NUP107: variants seen among roughly 807,000 people sequenced by gnomAD.
The protein encoded by NUP107 is nucleoporin 107.
In NUP107, 101 loss-of-function variants were observed where a neutral mutation model predicts 141.0. The observed-to-expected ratio is 0.72, with a 90% CI of 0.61 to 0.84. The LOEUF (loss-of-function observed/expected upper bound fraction) is 0.84, where lower values mean the gene tolerates loss of function less well. NUP107 is among the 40% of genes least tolerant of loss of function. The probability of loss-of-function intolerance (pLI) is 0.00; values close to 1 mark genes in which losing one functional copy is unlikely to be tolerated. For missense variants in NUP107, 941 were observed against 1,102.7 expected, an observed-to-expected ratio of 0.85 and a Z score of 2.08; for synonymous variants, 319 against 363.9, an observed-to-expected ratio of 0.88 and a Z score of 1.41.
rs768987371 is a variant in NUP107, at chr12:68,689,015, G to A, written c.62G>A (p.Arg21Gln). 37 of 1,613,416 alleles carry A rather than the reference G, an allele frequency of 2.3e-5. No individual in the cohort carries two copies. Among genetic ancestry groups the A allele is most frequent in the South Asian group, 1.2e-4 (11 of 91,020 alleles). ...SPVIREAEVT[R>Q]TARKQSAQKR... ...GTAATCCGGGAGGCAGAGGTGACAC[G>A]GACTGCACGGAAACAGAGTGCTCAG... Residue 21 changes from arginine (R) to glutamine (Q), a missense_variant, in exon 2 of 28, where the codon CGG becomes CAG. Transcript: ENST00000229179.
intron 7 of NUP107, 31 bp from the exon 8 acceptor site, chr12:68,702,705 G>T: frequency 6.8e-7 from 1 of 1,478,042 alleles, no homozygotes; most frequent in Admixed American, 2.3e-5. Flanking sequence ...TGTGAAATAA[G>T]GCTTTTTTAT....
Position 68,733,534 on chromosome 12 carries a change from G to A in NUP107, c.2184G>A (p.Glu728=). Residue 728 remains glutamate, a synonymous_variant, in exon 24 of 28, where the codon GAG becomes GAA. Coordinates refer to ENST00000229179, the MANE Select transcript of NUP107 (RefSeq NM_020401.4). ...DSIAEIYNQC[E]EQGMESPLPA... ...TAGCAGAAATCTATAATCAGTGCGA[G>A]GAACAAGGAATGGAAAGTCCACTTC... 6.2e-7 allele frequency: 1 copy of A among 1,613,766 alleles called. No individual in the cohort carries two copies. Among genetic ancestry groups the A allele is most frequent in the South Asian group, 1.1e-5 (1 of 91,042 alleles).
In NUP107 at chr12:68,725,797, G is replaced by GT. The variant is rs773878868; in HGVS notation, c.1576+2dup. On this transcript the variant is annotated splice_donor_variant, in intron 18 of 27. Coordinates refer to ENST00000229179, the MANE Select transcript of NUP107 (RefSeq NM_020401.4). LOFTEE classifies it high-confidence loss of function. ...TTTCTTATCCTGGGAGACATTGATGGTAAGATATGGTTTTATTTTACTTTG... is the reference window on the plus strand; with the variant it reads ...TTTCTTATCCTGGGAGACATTGATGGTTAAGATATGGTTTTATTTTACTTTG... 3.7e-6 allele frequency: 5 copies of GT among 1,335,754 alleles called. No individual in the cohort carries two copies. The highest frequency in any genetic ancestry group is 5.2e-6 in the Non-Finnish European group (5 of 954,016). The allele number at this position is 1,335,754 out of a possible 1,614,324, so 82.7% of individuals were successfully genotyped here. A position where few individuals can be genotyped will look rare whatever the true frequency, so the allele number is the denominator to read the frequency against.
intron 10 of NUP107, among the ~76,000 whole-genome samples, chr12:68,711,883 G>T (rs1378716109): frequency 6.6e-6 from 1 of 152,096 alleles, no homozygotes; most frequent in Non-Finnish European, 1.5e-5. Context: ...GAATGACATG[G>T]TCCAATTTAT....
rs7976687 is a variant in NUP107 at position 68,731,798 on chromosome 12, C to T, written c.1998+79C>T. The stretch of plus-strand genomic sequence containing the variant: ...TTATTCCTTGGTGAACTTCTCCCTT[C>T]GTAAAAGAAGTTCTATTAGGTTTTC... On this transcript the variant is annotated intron_variant, in intron 22 of 27. Transcript: ENST00000229179. 0.26 allele frequency: 204,061 copies of T among 793,024 alleles called. 27,603 individuals are homozygous for T. Among genetic ancestry groups the T allele is most frequent in the Middle Eastern group, 0.3 (1,287 of 4,222 alleles). The allele number at this position is 793,024 out of a possible 1,614,324, so 49.1% of individuals were successfully genotyped here.
chr12:68,743,977 C>T lies in NUP107; in HGVS notation c.*1515C>T, dbSNP rs978263518. 1.3e-5 allele frequency: 2 copies of T among 152,156 alleles called. No individual in the cohort carries two copies. The highest frequency in any genetic ancestry group is 4.8e-5 in the African/African-American group (2 of 41,430). The allele number at this position is 152,156 out of a possible 1,614,324, so 9.4% of individuals were successfully genotyped here. The stretch of plus-strand genomic sequence containing the variant: ...CAAAAAATTCATACCAAAACAAATA[C>T]AGACTAGATTTGGGGTGGGGAGGGG... On this transcript the variant is annotated 3_prime_UTR_variant, in exon 28 of 28. Transcript: ENST00000229179.
intron 10 of NUP107, among the ~76,000 whole-genome samples, chr12:68,712,418 CAAAAAAAA>C (rs745430819): frequency 0.013 from 804 of 63,878 alleles, 11 homozygotes; most frequent in African/African-American, 0.045. Context: ...AACTCCATCT[CAAAAAAAA>C]AAAAAAAAAA....
chr12:68,715,695 A>G lies in NUP107; in HGVS notation c.1038A>G (p.Leu346=), dbSNP rs1382261907. The change falls in exon 12 of 28, where the codon TTA becomes TTG. Residue 346 remains leucine, a synonymous_variant. Transcript: ENST00000229179. The part of the protein sequence containing the change: ...DDLDREDEVR[L]LKYLFTLIRA... ...TGGATAGAGAAGATGAAGTTAGATT[A>G]CTCAAATATCTCTTTACTCTAATCC... 1.2e-6 allele frequency: 2 copies of G among 1,612,696 alleles called. No individual in the cohort carries two copies. The highest frequency in any genetic ancestry group is 1.3e-5 in the African/African-American group (1 of 74,880).
rs757208798 is a variant in NUP107 at position 68,737,560 on chromosome 12, C to CAAAA, written c.2502+2235_2502+2238dup. On this transcript the variant is annotated intron_variant, in intron 26 of 27. Transcript: ENST00000229179. ...TAGGTGACAGAGTGAGACCCTGTCT[C>CAAAA]AAAAAAAAAAAAAAAAAAAAAATGG... Among the ~76,000 whole-genome samples, 68 of 72,046 alleles carry CAAAA rather than the reference C, an allele frequency of 9.4e-4. 5 individuals are homozygous for CAAAA. The highest frequency in any genetic ancestry group is 1.4e-3 in the South Asian group (3 of 2,172). The allele number at this position is 72,046 out of a possible 152,430, so 47.3% of individuals were successfully genotyped here.
At chr12:68,706,997 AGGGCTGT>A in intron 8 of NUP107, 2 of 627,968 alleles carry the variant, frequency 3.2e-6, no homozygotes, top group Non-Finnish European at 5.6e-6. Flanking sequence ...CAGCTCCACC[AGGGCTGT>A]GATTGTGAAG....
intron 20 of NUP107, 150 bp from the exon 21 acceptor site, chr12:68,730,960 C>G (rs1447429252): frequency 4.1e-6 from 2 of 484,822 alleles, no homozygotes; most frequent in African/African-American, 4.0e-5. Context: ...AGAGTGAGAC[C>G]CTGTCTCAAA....
At position 68,743,182 on chromosome 12, in the gene NUP107, G is replaced by C. The variant is rs1472390917; in HGVS notation, c.*720G>C. 1 of 152,268 alleles carries C rather than the reference G, an allele frequency of 6.6e-6. No homozygotes were observed. Among genetic ancestry groups the C allele is most frequent in the Non-Finnish European group, 1.5e-5 (1 of 68,078 alleles). The allele number at this position is 152,268 out of a possible 1,614,324, so 9.4% of individuals were successfully genotyped here. Reference sequence around the variant, plus strand: ...GGAGGCCGAGGCAGGTGGATCACCTGTCGTCAGGAGTTTGAGACCAGCCTG... The same window carrying C: ...GGAGGCCGAGGCAGGTGGATCACCTCTCGTCAGGAGTTTGAGACCAGCCTG... On this transcript the variant is annotated 3_prime_UTR_variant, in exon 28 of 28. Coordinates refer to ENST00000229179, the MANE Select transcript of NUP107 (RefSeq NM_020401.4).
At chr12:68,731,849 C>A in intron 22 of NUP107, 130 bp downstream of exon 22, 1 of 514,962 alleles carries the variant, frequency 1.9e-6, no homozygotes, top group Non-Finnish European at 3.4e-6. Context: ...TCTTTGTCAG[C>A]CCAGACCTTT....
chr12:68,736,893 G>T (rs1394373118), intron 26 of NUP107, among the ~76,000 whole-genome samples: 2 of 151,778 alleles, frequency 1.3e-5, no homozygotes, highest in Non-Finnish European at 2.9e-5. Flanking sequence ...GTAGAGATGG[G>T]ATCTCACCAT....
At chr12:68,740,436 G>A (rs1401492536) in intron 26 of NUP107, among the ~76,000 whole-genome samples, 1 of 152,170 alleles carries the variant, frequency 6.6e-6, no homozygotes, top group East Asian at 1.9e-4. Flanking sequence ...ATGTATTTAT[G>A]CTTCAAACAA....
At position 68,688,929 on chromosome 12, in the gene NUP107, T is replaced by G. The variant is rs755940902; in HGVS notation, c.9-33T>G. The G allele has an allele frequency of 6.0e-6, 9 of 1,501,224 alleles. No homozygotes were observed. The South Asian group carries it at 1.1e-4, about 18-fold the overall frequency. 93.0% of individuals were successfully genotyped at this position (1,501,224 alleles called of 1,614,324 possible). On this transcript the variant is annotated intron_variant, in intron 1 of 27. Coordinates refer to ENST00000229179, the MANE Select transcript of NUP107 (RefSeq NM_020401.4). ...TTCTTTATAAATGCTATATTCTCGTTTCACTTATATAAGCTTGATTATACT... is the reference window on the plus strand; with the variant it reads ...TTCTTTATAAATGCTATATTCTCGTGTCACTTATATAAGCTTGATTATACT...
chr12:68,704,276 A>G (rs898003043), intron 8 of NUP107, among the ~76,000 whole-genome samples: 2 of 152,140 alleles, frequency 1.3e-5, no homozygotes, highest in Non-Finnish European at 2.9e-5. Context: ...AGAAACATGC[A>G]AATAGCCTCA....
intron 26 of NUP107, among the ~76,000 whole-genome samples, chr12:68,736,717 C>CT (rs10713889): frequency 0.011 from 1,120 of 105,826 alleles, 14 homozygotes; most frequent in East Asian, 0.045. Flanking sequence ...GTGTCGCCAC[C>CT]TTTTTTTTTT....
intron 20 of NUP107, 121 bp downstream of exon 20, chr12:68,727,510 A>C (rs1877614895): frequency 1.7e-6 from 1 of 578,050 alleles, no homozygotes; most frequent in Admixed American, 2.8e-5. Context: ...GAGATCTTTT[A>C]ATTATCAGCA....
Sources: allele counts gnomAD v4.1 joint callset (sites outside exome capture counted in the v4.1 genomes callset), GRCh38; gene constraint gnomAD v4.1.1; transcripts MANE v1.5; gene names NCBI Gene and HGNC (gene_info 2026-07-23, HGNC 2026-07-21).